The following MSANTD2 variants were observed in gnomAD, a reference collection of about 807,000 sequenced individuals.
MSANTD2 encodes Myb/SANT DNA binding domain containing 2, also known as myb/SANT-like DNA-binding domain-containing protein 2.
A neutral mutation model predicts 52.6 loss-of-function variants in MSANTD2; 19 were observed. The observed-to-expected ratio is 0.36, with a 90% confidence interval of 0.25 to 0.53. MSANTD2 has a LOEUF of 0.53. Ranked by LOEUF, MSANTD2 falls within the 20% of genes least tolerant of loss-of-function variation. The pLI is 0.91. For synonymous variants in MSANTD2, 291 were observed against 289.7 expected (o/e 1.00, Z -0.04); for missense variants, 558 against 716.3 (o/e 0.78, Z 2.52).
At position 124,767,738 on chromosome 11, in the gene MSANTD2, T is replaced by C. The variant is rs768123408; in HGVS notation, c.1118A>G (p.Tyr373Cys). ...VQKMNWKNVYYKFLEITISEA... is the reference protein window; with the variant it reads ...VQKMNWKNVYCKFLEITISEA... ...GCTAATAGTGATCTCTAAAAATTTG[T>C]AGTAAACATTTTTCCAGTTCATTTT... Residue 373 changes from tyrosine to cysteine, a missense_variant, in exon 4 of 4, where the codon TAC (tyrosine) becomes TGC (cysteine). By Grantham distance (194) the Tyr-to-Cys change is radical. Transcript: ENST00000374979. This position sits in a 1 kb window ranked among gnomAD's most constrained non-coding sequence, Gnocchi z 6.5. 1.9e-6 allele frequency: 3 copies of C among 1,614,136 alleles called. No individual in the cohort carries two copies. The highest frequency in any genetic ancestry group is 2.5e-6 in the Non-Finnish European group (3 of 1,180,052).
intron 1 of MSANTD2, among the ~76,000 whole-genome samples, chr11:124,795,284 G>A (rs1945459600): frequency 6.6e-6 from 1 of 152,184 alleles, no homozygotes; most frequent in African/African-American, 2.4e-5. Flanking sequence ...TTGAGGCACA[G>A]CTAGAAGTAC....
rs1342384775 is a variant in MSANTD2 at position 124,775,202 on chromosome 11, A to C, written c.511-228T>G. 3 of 459,108 alleles carry C rather than the reference A, an allele frequency of 6.5e-6. No homozygotes were observed. In the East Asian group the frequency reaches 1.1e-4, roughly 17 times the overall value. The allele number at this position is 459,108 out of a possible 1,614,324, so 28.4% of individuals were successfully genotyped here. On this transcript the variant is annotated intron_variant, in intron 1 of 3. Coordinates refer to ENST00000374979, the MANE Select transcript of MSANTD2 (RefSeq NM_001308027.2). ...TTATTTTGCAATTAATTATCCATTA[A>C]ACAACAAGAAACATTACAACATTAT...
intron 3 of MSANTD2, among the ~76,000 whole-genome samples, chr11:124,772,601 G>A (rs989151009): frequency 3.3e-5 from 5 of 152,090 alleles, no homozygotes; most frequent in Non-Finnish European, 4.4e-5. Flanking sequence ...GCCGGGCGTG[G>A]TGGCGGGCGC....
chr11:124,788,128 T>C (rs1300451950), intron 1 of MSANTD2, among the ~76,000 whole-genome samples: 1 of 150,624 alleles, frequency 6.6e-6, no homozygotes, highest in East Asian at 1.9e-4. Context: ...GAAAGATTTA[T>C]AGCCTTGGCA....
intron 3 of MSANTD2, among the ~76,000 whole-genome samples, chr11:124,772,553 C>T (rs1282570312): frequency 6.6e-6 from 1 of 151,892 alleles, no homozygotes; most frequent in South Asian, 2.1e-4. Context: ...CTGGCTAACA[C>T]GATGAAACCC....
chr11:124,797,260 G>A lies in MSANTD2; in HGVS notation c.510+2611C>T, dbSNP rs879677799. Among the ~76,000 whole-genome samples the A allele has an allele frequency of 3.9e-5, 6 of 152,284 alleles. No individual in the cohort carries two copies. The East Asian group carries it at 7.7e-4, about 20-fold the overall frequency. On this transcript the variant is annotated intron_variant, in intron 1 of 3. Coordinates refer to ENST00000374979, the MANE Select transcript of MSANTD2 (RefSeq NM_001308027.2). ...AGCACTTTGGGAGGCCAAGGCAGGC[G>A]GATCGCTTGATTCTAGGAGTTTGAG... is the stretch of plus-strand genomic sequence containing the variant.
chr11:124,786,390 TAAG>T (rs1346914426), intron 1 of MSANTD2, among the ~76,000 whole-genome samples: 1 of 152,238 alleles, frequency 6.6e-6, no homozygotes, highest in East Asian at 1.9e-4. Context: ...CATCTATCTC[TAAG>T]AAGCACCCAA....
chr11:124,794,870 A>G (rs867336746), intron 1 of MSANTD2, among the ~76,000 whole-genome samples: 6 of 152,014 alleles, frequency 3.9e-5, no homozygotes, highest in Middle Eastern at 3.2e-3. Context: ...AGACTCTTTT[A>G]TCTTTTATTT....
intron 3 of MSANTD2, among the ~76,000 whole-genome samples, chr11:124,772,093 A>T (rs1196500220): frequency 3.3e-5 from 5 of 152,206 alleles, no homozygotes; most frequent in Non-Finnish European, 5.9e-5. Flanking sequence ...AACTCGGGGA[A>T]GATCAAATTG....
At chr11:124,785,342 T>C (rs1280265172) in intron 1 of MSANTD2, among the ~76,000 whole-genome samples, 1 of 152,168 alleles carries the variant, frequency 6.6e-6, no homozygotes, top group East Asian at 1.9e-4. Context: ...AAAGAGAGTG[T>C]CCCTGGAAAG....
chr11:124,777,073 C>T (rs942724978), intron 1 of MSANTD2, among the ~76,000 whole-genome samples: 27 of 152,320 alleles, frequency 1.8e-4, no homozygotes, highest in African/African-American at 5.1e-4. Flanking sequence ...CCTTTCCCAG[C>T]GCCCTCTGCC....
chr11:124,772,899 G>A, intron 3 of MSANTD2, 95 bp downstream of exon 3: 2 of 803,990 alleles, frequency 2.5e-6, no homozygotes, highest in Non-Finnish European at 4.2e-6. Context: ...TGAATGGCCG[G>A]AACTTTCATA....
intron 1 of MSANTD2, among the ~76,000 whole-genome samples, chr11:124,798,011 A>C (rs928473542): frequency 5.3e-5 from 8 of 152,268 alleles, no homozygotes; most frequent in Non-Finnish European, 1.0e-4. Flanking sequence ...ACAGAAATCA[A>C]TCAAGCTGAA....
chr11:124,798,945 C>T (rs993920956), intron 1 of MSANTD2, among the ~76,000 whole-genome samples: 7 of 152,168 alleles, frequency 4.6e-5, no homozygotes, highest in African/African-American at 7.2e-5. Context: ...AATACAACTC[C>T]TTATCTGCCA....
At chr11:124,787,388 T>C (rs1335868346) in intron 1 of MSANTD2, among the ~76,000 whole-genome samples, 1 of 152,180 alleles carries the variant, frequency 6.6e-6, no homozygotes, top group Non-Finnish European at 1.5e-5. Context: ...TGACTTTTCT[T>C]TTTTTGGAGT....
At chr11:124,781,019 C>A (rs1487036726) in intron 1 of MSANTD2, among the ~76,000 whole-genome samples, 1 of 152,022 alleles carries the variant, frequency 6.6e-6, no homozygotes, top group Non-Finnish European at 1.5e-5. Context: ...CCCGTCTCTA[C>A]TAAAAAGACA....
intron 3 of MSANTD2, 21 bp from the exon 4 acceptor site, chr11:124,768,049 C>A: frequency 6.3e-7 from 1 of 1,584,062 alleles, no homozygotes; most frequent in South Asian, 1.1e-5. Flanking sequence ...AAATAAAAGT[C>A]AAATTCCCTA....
At chr11:124,771,477 A>G (rs1431760280) in intron 3 of MSANTD2, among the ~76,000 whole-genome samples, 1 of 152,226 alleles carries the variant, frequency 6.6e-6, no homozygotes, top group Non-Finnish European at 1.5e-5. Flanking sequence ...CTGAATAAAA[A>G]CAACTAATGT....
Position 124,767,782 on chromosome 11 carries a change from G to C in MSANTD2, c.1074C>G (p.Ile358Met). 1.2e-6 allele frequency: 2 copies of C among 1,614,240 alleles called. No individual in the cohort carries two copies. The highest frequency in any genetic ancestry group is 8.5e-7 in the Non-Finnish European group (1 of 1,180,044). ...YFNSEKPEGR[I>M]IMTRVQKMNW... Reference sequence around the variant, plus strand: ...TCATTTTCTGCACTCGGGTCATAATGATCCGTCCTTCAGGCTTCTCAGAGT... The same window carrying C: ...TCATTTTCTGCACTCGGGTCATAATCATCCGTCCTTCAGGCTTCTCAGAGT... Residue 358 changes from isoleucine (I) to methionine (M), a missense_variant, in exon 4 of 4, where the codon ATC (isoleucine) becomes ATG (methionine). Ile to Met is a conservative substitution (Grantham distance 10, BLOSUM62 1). Around this residue, in one of 2 missense-constraint regions of MSANTD2, gnomAD observed 408 missense variants for 573.6 expected, o/e 0.71. Coordinates refer to ENST00000374979, the MANE Select transcript of MSANTD2 (RefSeq NM_001308027.2). The surrounding 1 kb of genome is among the most constrained non-coding windows in gnomAD (Gnocchi z 6.5).
Sources: allele counts gnomAD v4.1 joint callset (sites outside exome capture counted in the v4.1 genomes callset), GRCh38; gene constraint gnomAD v4.1.1; regional missense constraint gnomAD v4.1.1; non-coding constraint Gnocchi (gnomAD v3.1); transcripts MANE v1.5; gene names NCBI Gene and HGNC (gene_info 2026-07-23, HGNC 2026-07-21).